The following MYO16 variants were observed in gnomAD, a reference collection of about 807,000 sequenced individuals.
MYO16 encodes myosin XVI.
Under a neutral mutation model 205.3 loss-of-function variants are expected in MYO16, and 94 were observed. That is an observed-to-expected ratio of 0.46 (90% CI 0.39 to 0.54). MYO16 has a LOEUF of 0.54. MYO16 is among the 20% of genes least tolerant of loss of function. The pLI is 0.00. For synonymous variants in MYO16, 988 were observed against 954.0 expected, an observed-to-expected ratio of 1.04 and a Z score of -0.66; for missense variants, 2,315 against 2,387.5, an observed-to-expected ratio of 0.97 and a Z score of 0.63.
chr13:108,595,113 A>T (rs1878509232), upstream of MYO16, among the ~76,000 whole-genome samples: 1 of 152,186 alleles, frequency 6.6e-6, no homozygotes, highest in African/African-American at 2.4e-5. Context: ...TAAAGTGAAA[A>T]TGTCAAAATC....
chr13:108,783,941 G>A (rs9521049), intron 4 of MYO16, among the ~76,000 whole-genome samples: 52,006 of 152,030 alleles, frequency 0.34, 10,107 homozygotes, highest in East Asian at 0.63. Context: ...CCAATACAGC[G>A]CCTGTACAGT....
intron 34 of MYO16, among the ~76,000 whole-genome samples, chr13:109,205,396 A>G (rs777741876): frequency 3.3e-5 from 5 of 152,152 alleles, no homozygotes; most frequent in Non-Finnish European, 7.4e-5. Flanking sequence ...CTTTCAAGTG[A>G]CTGTTTTCTA....
At chr13:109,193,727 C>T (rs1426951643) in intron 34 of MYO16, among the ~76,000 whole-genome samples, 5 of 152,106 alleles carry the variant, frequency 3.3e-5, no homozygotes, top group South Asian at 2.1e-4. Context: ...ATGATTTTGA[C>T]GCTTGTTTTC....
At chr13:109,113,202 A>C (rs1875493259) in intron 28 of MYO16, among the ~76,000 whole-genome samples, 1 of 152,208 alleles carries the variant, frequency 6.6e-6, no homozygotes, top group Admixed American at 6.5e-5. Context: ...TTTCACTGCT[A>C]TTTAACAACA....
At chr13:108,527,733 T>G in the MYO16 span, among the ~76,000 whole-genome samples, 2 of 152,254 alleles carry the variant, frequency 1.3e-5, no homozygotes, top group African/African-American at 2.4e-5. Context: ...GTTTCATAAC[T>G]TATTTATTTA....
chr13:108,885,294 T>G (rs190418323), intron 13 of MYO16, among the ~76,000 whole-genome samples: 1 of 152,172 alleles, frequency 6.6e-6, no homozygotes, highest in Admixed American at 6.5e-5. Flanking sequence ...TAATTTTGTA[T>G]TTTTAGTAGA....
intron 6 of MYO16, among the ~76,000 whole-genome samples, chr13:108,805,876 T>A (rs1405407432): frequency 1.3e-5 from 2 of 151,362 alleles, no homozygotes; most frequent in Non-Finnish European, 2.9e-5. Context: ...CCCCAGGAGT[T>A]CAAGACTAGT....
chr13:108,738,887 T>C (rs1410740332), intron 4 of MYO16, among the ~76,000 whole-genome samples: 1 of 152,240 alleles, frequency 6.6e-6, no homozygotes, highest in East Asian at 1.9e-4. Flanking sequence ...TTTACTGTTA[T>C]GTAATGGCCT....
the MYO16 span, among the ~76,000 whole-genome samples, chr13:108,562,599 T>C: frequency 6.6e-6 from 1 of 152,170 alleles, no homozygotes; most frequent in Non-Finnish European, 1.5e-5. Context: ...CATATCACAA[T>C]TGTGATATGA....
intron 13 of MYO16, among the ~76,000 whole-genome samples, chr13:108,885,159 GC>G (rs775140072): frequency 2.0e-5 from 3 of 152,158 alleles, no homozygotes; most frequent in Non-Finnish European, 2.9e-5. Context: ...CGTTCTTGTT[GC>G]CCAGGCTGGA....
intron 4 of MYO16, among the ~76,000 whole-genome samples, chr13:108,740,209 G>T (rs911415953): frequency 1.4e-5 from 2 of 146,182 alleles, no homozygotes; most frequent in South Asian, 4.4e-4. Flanking sequence ...GGGGAGAGGT[G>T]CTCTGATTTG....
intron 24 of MYO16, among the ~76,000 whole-genome samples, chr13:109,050,259 C>G (rs1457406689): frequency 1.3e-5 from 2 of 152,022 alleles, no homozygotes; most frequent in Non-Finnish European, 2.9e-5. Context: ...GCTTTTCTCT[C>G]TCTTTCATGA....
intron 9 of MYO16, among the ~76,000 whole-genome samples, chr13:108,832,109 T>A (rs589749): frequency 0.61 from 92,213 of 150,064 alleles, 29,215 homozygotes; most frequent in Middle Eastern, 0.72. Flanking sequence ...ATGATACTAC[T>A]TTGACTTTCC....
chr13:108,637,612 C>T (rs1024765621), intron 1 of MYO16, among the ~76,000 whole-genome samples: 4 of 152,154 alleles, frequency 2.6e-5, no homozygotes, highest in Admixed American at 6.5e-5. Context: ...CAGTGGCTCA[C>T]GCTTGTAATC....
In MYO16 at chr13:108,735,463, AGTATTCCATGGTATATACCATGT is replaced by A. The variant is rs71125333; in HGVS notation, c.507+7896_507+7918del. On this transcript the variant is annotated intron_variant, in intron 4 of 34. Transcript: ENST00000457511. ...AACTCATCCGTTTTTATGGCTGCAT[AGTATTCCATGGTATATACCATGT>A]GTATTCCATGGTATACACCAAGAAA... Among the ~76,000 whole-genome samples the A allele has an allele frequency of 3.2e-3, 469 of 146,382 alleles. 1 individual carries two copies. The highest frequency in any genetic ancestry group is 0.011 in the African/African-American group (452 of 40,096).
intron 16 of MYO16, among the ~76,000 whole-genome samples, chr13:108,953,176 C>A (rs572604815): frequency 6.6e-6 from 1 of 152,234 alleles, no homozygotes; most frequent in Admixed American, 6.5e-5. Flanking sequence ...CAGTATACAA[C>A]AGCCAAGTGT....
At chr13:108,966,149 A>G (rs1277377549) in intron 20 of MYO16, among the ~76,000 whole-genome samples, 1 of 152,196 alleles carries the variant, frequency 6.6e-6, no homozygotes. Context: ...GGTATAATCC[A>G]TATTTCAGCA....
the MYO16 span, among the ~76,000 whole-genome samples, chr13:108,551,522 C>G: frequency 6.6e-6 from 1 of 152,142 alleles, no homozygotes; most frequent in Admixed American, 6.5e-5. Context: ...CTATTTGTTA[C>G]TTGAATTGTG....
chr13:108,611,478 G>A (rs931936812), intron 1 of MYO16, among the ~76,000 whole-genome samples: 5 of 152,102 alleles, frequency 3.3e-5, no homozygotes, highest in Admixed American at 1.3e-4. Flanking sequence ...GCCTCACCAA[G>A]AGCCTTATAA....
Sources: gnomAD v4.1 joint callset for allele counts (sites outside exome capture counted in the v4.1 genomes callset) on GRCh38, gnomAD v4.1.1 for gene constraint, MANE v1.5 for transcripts, NCBI Gene and HGNC (gene_info 2026-07-23, HGNC 2026-07-21) for gene names.